The following MTUS2 variants were observed in gnomAD, a reference collection of about 807,000 sequenced individuals.
MTUS2 encodes the protein microtubule associated scaffold protein 2.
MTUS2 carries 40 observed loss-of-function variants against 114.1 expected under a neutral mutation model. That is an observed-to-expected ratio of 0.35 (90% confidence interval 0.27 to 0.46). The LOEUF (loss-of-function observed/expected upper bound fraction) is 0.46. Among genes scored for constraint, MTUS2 ranks in the 20% least tolerant of loss-of-function variants. MTUS2 has a pLI of 1.00. For missense variants in MTUS2, 1,679 were observed against 1,705.4 expected (o/e 0.98, Z 0.27); for synonymous variants, 688 against 672.0 (o/e 1.02, Z -0.37).
At chr13:29,326,495 C>T (rs1379817704) in intron 7 of MTUS2, among the ~76,000 whole-genome samples, 1 of 150,712 alleles carries the variant, frequency 6.6e-6, no homozygotes, top group African/African-American at 2.5e-5. Flanking sequence ...TTGTTCTGAA[C>T]CCTAGATGGG....
intron 4 of MTUS2, among the ~76,000 whole-genome samples, chr13:29,073,059 C>T (rs572472328): frequency 3.9e-5 from 6 of 152,112 alleles, no homozygotes; most frequent in African/African-American, 9.6e-5. Flanking sequence ...CTCTGGTGGT[C>T]GTTTTATTCT....
intron 5 of MTUS2, among the ~76,000 whole-genome samples, chr13:29,221,492 A>G (rs1194467767): frequency 6.6e-6 from 1 of 152,104 alleles, no homozygotes; most frequent in African/African-American, 2.4e-5. Context: ...TTTTATATAT[A>G]TTTTTGGTGT....
chr13:29,468,585 T>TACACACAC (rs59451142), intron 9 of MTUS2, among the ~76,000 whole-genome samples: 96 of 146,830 alleles, frequency 6.5e-4, no homozygotes, highest in African/African-American at 1.9e-3. Flanking sequence ...TGTCTCAAAA[T>TACACACAC]ACACACACAC....
chr13:29,455,698 G>A (rs1433091531), intron 9 of MTUS2, among the ~76,000 whole-genome samples: 1 of 152,150 alleles, frequency 6.6e-6, no homozygotes, highest in Non-Finnish European at 1.5e-5. Context: ...TGGGTATTGA[G>A]GGTCAGGTAT....
At chr13:28,975,463 G>GCCTGCGGCAGCATTGCCCTCC (rs1884049540) in intron 2 of MTUS2, among the ~76,000 whole-genome samples, 4 of 18,296 alleles carry the variant, frequency 2.2e-4, no homozygotes, top group South Asian at 1.8e-3. Flanking sequence ...TTCCAATCTC[G>GCCTGCGGCAGCATTGCCCTCC]CCTGCGGCAG....
At chr13:29,360,235 C>T in intron 8 of MTUS2, among the ~76,000 whole-genome samples, 1 of 152,114 alleles carries the variant, frequency 6.6e-6, no homozygotes, top group East Asian at 1.9e-4. Flanking sequence ...ATATGGACCT[C>T]CTGGTATCTA....
intron 5 of MTUS2, among the ~76,000 whole-genome samples, chr13:29,217,591 T>C (rs1287426934): frequency 6.6e-6 from 1 of 152,194 alleles, no homozygotes; most frequent in East Asian, 1.9e-4. Flanking sequence ...GCTTTGATGG[T>C]GGTTGCTGAA....
intron 5 of MTUS2, among the ~76,000 whole-genome samples, chr13:29,207,849 A>G (rs1304643623): frequency 6.6e-6 from 1 of 152,020 alleles, no homozygotes; most frequent in African/African-American, 2.4e-5. Context: ...GGATTTTTGC[A>G]TCTATGTTCA....
intron 5 of MTUS2, among the ~76,000 whole-genome samples, chr13:29,111,880 C>A (rs1374806392): frequency 1.3e-5 from 2 of 151,890 alleles, no homozygotes; most frequent in African/African-American, 2.4e-5. Flanking sequence ...GGAGCCCAAA[C>A]TAGGGGGTTA....
intron 5 of MTUS2, among the ~76,000 whole-genome samples, chr13:29,220,084 C>T (rs1895848718): frequency 6.6e-6 from 1 of 152,050 alleles, no homozygotes; most frequent in Admixed American, 6.6e-5. Context: ...CAACCTCCAC[C>T]TCCCGGGTTC....
intron 8 of MTUS2, among the ~76,000 whole-genome samples, chr13:29,404,229 T>C (rs911857125): frequency 2.7e-5 from 4 of 150,692 alleles, no homozygotes; most frequent in African/African-American, 7.3e-5. Flanking sequence ...TGTGTGCCTG[T>C]AGTCCCAGCT....
intron 8 of MTUS2, among the ~76,000 whole-genome samples, chr13:29,424,031 AT>A (rs35299233): frequency 0.8 from 115,971 of 145,280 alleles, 46,462 homozygotes; most frequent in Middle Eastern, 0.86. Flanking sequence ...TGCCTGGCTA[AT>A]TTTTTTTTTT....
intron 2 of MTUS2, among the ~76,000 whole-genome samples, chr13:28,954,268 T>A (rs1276791475): frequency 6.6e-6 from 1 of 152,170 alleles, no homozygotes; most frequent in Non-Finnish European, 1.5e-5. Flanking sequence ...TTGGTGTATT[T>A]CAGTGACTGT....
intron 8 of MTUS2, among the ~76,000 whole-genome samples, chr13:29,426,255 A>G (rs1343427183): frequency 1.3e-5 from 2 of 152,238 alleles, no homozygotes; most frequent in Non-Finnish European, 2.9e-5. Context: ...TTGAGTGTAC[A>G]GTTTATTGTT....
chr13:28,870,060 T>C (rs1306217734), intron 2 of MTUS2, among the ~76,000 whole-genome samples: 1 of 152,216 alleles, frequency 6.6e-6, no homozygotes, highest in African/African-American at 2.4e-5. Flanking sequence ...ATATCATGTA[T>C]AGTGATCAGA....
chr13:29,126,997 C>T (rs1472906266), intron 5 of MTUS2, among the ~76,000 whole-genome samples: 1 of 152,204 alleles, frequency 6.6e-6, no homozygotes, highest in Non-Finnish European at 1.5e-5. Context: ...GATCACCAGC[C>T]TCTGCCCCAG....
intron 4 of MTUS2, among the ~76,000 whole-genome samples, chr13:29,048,692 AC>A (rs912097273): frequency 1.3e-5 from 2 of 152,002 alleles, no homozygotes; most frequent in African/African-American, 4.8e-5. Context: ...CTGATCTCAA[AC>A]CCCTGGGCTC....
intron 6 of MTUS2, among the ~76,000 whole-genome samples, chr13:29,284,846 A>G (rs567586793): frequency 6.6e-6 from 1 of 152,324 alleles, no homozygotes; most frequent in South Asian, 2.1e-4. Context: ...TCTACTGGAA[A>G]GTTGTAAGTG....
chr13:29,024,752 C>G lies in MTUS2; in HGVS notation c.54C>G (p.Asn18Lys), dbSNP rs866413410. 2 of 1,613,980 alleles carry G rather than the reference C, an allele frequency of 1.2e-6. No homozygotes were observed. The highest frequency in any genetic ancestry group is 1.7e-5 in the Admixed American group (1 of 60,022). The stretch of plus-strand genomic sequence containing the variant: ...CATGTTACACTCAGTTGCGGGACAA[C>G]AGAAATGCAGCAAGAAATAATAATG... ...KKSCYTQLRD[N>K]RNAARNNNES... is the part of the protein sequence containing the mutation. Residue 18 changes from asparagine to lysine, a missense_variant, in exon 3 of 16, where the codon AAC (asparagine) becomes AAG (lysine). Asn to Lys is a moderately conservative substitution (Grantham distance 94). Around this residue, in one of 3 missense-constraint regions of MTUS2, gnomAD observed 843 missense variants for 770.8 expected, o/e 1.09. Transcript: ENST00000612955.
Sources: allele counts gnomAD v4.1 joint callset (sites outside exome capture counted in the v4.1 genomes callset), GRCh38; gene constraint gnomAD v4.1.1; regional missense constraint gnomAD v4.1.1; transcripts MANE v1.5; gene names NCBI Gene and HGNC (gene_info 2026-07-23, HGNC 2026-07-21).